The following CD109 variants were observed in gnomAD, a reference collection of about 807,000 sequenced individuals.
CD109 encodes CD109 molecule.
A neutral mutation model predicts 165.8 loss-of-function variants in CD109; 149 were observed. That is an observed-to-expected ratio of 0.90 (90% confidence interval 0.79 to 1.03). The LOEUF (loss-of-function observed/expected upper bound fraction) is 1.03, where lower values mean the gene tolerates loss of function less well. Among genes scored for constraint, CD109 ranks in the 50% least tolerant of loss-of-function variants. The pLI is 0.00. For synonymous variants in CD109, 585 were observed against 592.1 expected, an observed-to-expected ratio of 0.99 and a Z score of 0.18; for missense variants, 1,712 against 1,677.8, an observed-to-expected ratio of 1.02 and a Z score of -0.36.
rs374003068 is a variant in CD109, at chr6:73,810,040, C to T, written c.3412C>T (p.Arg1138Cys). The change falls in exon 27 of 33, where the codon CGC becomes TGC. Residue 1138 changes from arginine (R) to cysteine (C), a missense_variant. Transcript: ENST00000287097. ...ESKLSDSWQP[R>C]SLDIEVAAYA... ...CAAACTTTCTGACTCCTGGCAGCCA[C>T]GCTCCCTGGATATTGAAGTTGCAGC... The T allele has an allele frequency of 5.4e-5, 87 of 1,605,530 alleles. 1 individual carries two copies. Among genetic ancestry groups the T allele is most frequent in the South Asian group, 1.4e-4 (13 of 89,754 alleles).
At chr6:73,752,850 A>G (rs1377329184) in intron 5 of CD109, among the ~76,000 whole-genome samples, 1 of 152,218 alleles carries the variant, frequency 6.6e-6, no homozygotes, top group Non-Finnish European at 1.5e-5. Flanking sequence ...ACTACAGTTA[A>G]CACAAATACT....
At chr6:73,682,268 GTACAGGCAT>G in the CD109 span, among the ~76,000 whole-genome samples, 1 of 152,162 alleles carries the variant, frequency 6.6e-6, no homozygotes, top group South Asian at 2.1e-4. Context: ...TACAATGGAG[GTACAGGCAT>G]TGGGTAAATA....
At chr6:73,776,487 T>C (rs1000447818) in intron 15 of CD109, among the ~76,000 whole-genome samples, 3 of 151,596 alleles carry the variant, frequency 2.0e-5, no homozygotes, top group African/African-American at 7.3e-5. Context: ...CTCCTGACCT[T>C]GTGATCCATC....
chr6:73,682,134 C>G, the CD109 span, among the ~76,000 whole-genome samples: 1 of 152,146 alleles, frequency 6.6e-6, no homozygotes. Flanking sequence ...CAACAGTCCC[C>G]TAAAGTCTTA....
chr6:73,708,036 A>C (rs1190935061), intron 2 of CD109, among the ~76,000 whole-genome samples: 1 of 147,284 alleles, frequency 6.8e-6, no homozygotes, highest in African/African-American at 2.5e-5. Flanking sequence ...CCTAGGGTAC[A>C]TGTGCACAAC....
At chr6:73,696,028 G>A, upstream of CD109, 1 of 582,604 alleles carries the variant, frequency 1.7e-6, no homozygotes, top group South Asian at 1.9e-5. Flanking sequence ...TAATGGGGAT[G>A]GGAGGGGTGG....
rs1775441170 is a variant in CD109, at chr6:73,803,297, A to C, written c.2956A>C (p.Thr986Pro). 6.2e-7 allele frequency: 1 copy of C among 1,611,078 alleles called. No individual in the cohort carries two copies. The highest frequency in any genetic ancestry group is 1.7e-5 in the Admixed American group (1 of 59,496). ...AFGNYDPSGS[T>P]WLSAFVLRCF... is the part of the protein sequence containing the mutation. ...TGGGAATTATGACCCTTCTGGGAGC[A>C]CTTGGTAAGTGTTTTTGCCAACTGA... Residue 986 changes from threonine (T) to proline (P), a missense_variant, in exon 24 of 33, where the codon ACT becomes CCT. Physicochemically the swap from Thr to Pro is conservative, Grantham distance 38. Coordinates refer to ENST00000287097, the MANE Select transcript of CD109 (RefSeq NM_133493.5).
In CD109 at chr6:73,762,452, A is replaced by G; in HGVS notation, c.827A>G (p.Lys276Arg). 2 of 1,611,198 alleles carry G rather than the reference A, an allele frequency of 1.2e-6. No homozygotes were observed. Among genetic ancestry groups the G allele is most frequent in the South Asian group, 2.2e-5 (2 of 90,780 alleles). ...LTFLPLSFWG[K>R]KKNITKTFKI... Reference sequence around the variant, plus strand: ...TTTTTACCTTTATCCTTTTGGGGAAAGAAGAAAAATATTACAAAAACATTT... The same window carrying G: ...TTTTTACCTTTATCCTTTTGGGGAAGGAAGAAAAATATTACAAAAACATTT... Residue 276 changes from lysine to arginine, a missense_variant, in exon 8 of 33, where the codon AAG (lysine) becomes AGG (arginine). Coordinates refer to ENST00000287097, the MANE Select transcript of CD109 (RefSeq NM_133493.5).
chr6:73,722,615 C>T (rs763003601), intron 2 of CD109, among the ~76,000 whole-genome samples: 4 of 152,190 alleles, frequency 2.6e-5, no homozygotes, highest in Non-Finnish European at 5.9e-5. Flanking sequence ...TCATCTTTTG[C>T]TCCATTTTAT....
the CD109 span, among the ~76,000 whole-genome samples, chr6:73,685,537 A>C: frequency 6.6e-6 from 1 of 152,154 alleles, no homozygotes. Context: ...TTAGGGTTTA[A>C]AAAAATTAAA....
intron 4 of CD109, among the ~76,000 whole-genome samples, chr6:73,733,434 A>G (rs898732806): frequency 6.6e-6 from 1 of 152,174 alleles, no homozygotes; most frequent in African/African-American, 2.4e-5. Context: ...TTCATTTTGC[A>G]TGCCCCAATA....
intron 1 of CD109, 61 bp downstream of exon 1, chr6:73,696,350 T>C (rs1442310971): frequency 2.3e-6 from 3 of 1,313,090 alleles, no homozygotes; most frequent in African/African-American, 3.1e-5. Flanking sequence ...TCTGCGGCTC[T>C]GGGCCAGGGC....
chr6:73,760,866 T>G (rs541520046), intron 7 of CD109, among the ~76,000 whole-genome samples: 177 of 151,042 alleles, frequency 1.2e-3, no homozygotes, highest in Admixed American at 2.4e-3. Flanking sequence ...TAAAATAAAA[T>G]TCGCTGGACG....
At chr6:73,720,619 A>G (rs1253716402) in intron 2 of CD109, among the ~76,000 whole-genome samples, 1 of 152,248 alleles carries the variant, frequency 6.6e-6, no homozygotes, top group Admixed American at 6.5e-5. Flanking sequence ...TATATGTCGC[A>G]TACCATAAAT....
intron 32 of CD109, 30 bp from the exon 33 acceptor site, chr6:73,823,428 G>A (rs778922899): frequency 6.8e-5 from 106 of 1,559,160 alleles, no homozygotes; most frequent in Non-Finnish European, 7.7e-5. Flanking sequence ...CAAGGGAGCC[G>A]TGTGAACTGA....
rs557267129 is a variant in CD109 at position 73,812,259 on chromosome 6, G to A, written c.3757G>A (p.Ala1253Thr). The A allele has an allele frequency of 7.3e-5, 117 of 1,606,788 alleles. No homozygotes were observed. The highest frequency in any genetic ancestry group is 8.6e-5 in the Non-Finnish European group (101 of 1,174,744). ...VNISANGFGF[A>T]ICQLNVVYNV... ...TATTTCCGCAAATGGTTTTGGATTTGCTATTTGTCAGGTATGTAACGATGC... is the reference window on the plus strand; with the variant it reads ...TATTTCCGCAAATGGTTTTGGATTTACTATTTGTCAGGTATGTAACGATGC... Residue 1253 changes from alanine to threonine, a missense_variant, in exon 29 of 33, where the codon GCT (alanine) becomes ACT (threonine). Ala to Thr is a moderately conservative substitution (Grantham distance 58). Coordinates refer to ENST00000287097, the MANE Select transcript of CD109 (RefSeq NM_133493.5).
At chr6:73,763,961 TATTA>T (rs1437879501) in intron 10 of CD109, among the ~76,000 whole-genome samples, 1 of 152,260 alleles carries the variant, frequency 6.6e-6, no homozygotes, top group East Asian at 1.9e-4. Flanking sequence ...CTGAAGCTTT[TATTA>T]ATTAATTGAA....
At chr6:73,739,681 T>C (rs555745164) in intron 5 of CD109, among the ~76,000 whole-genome samples, 6 of 152,112 alleles carry the variant, frequency 3.9e-5, no homozygotes, top group African/African-American at 1.2e-4. Context: ...ACCCCGTCTC[T>C]ACTAAAAATA....
chr6:73,812,390 C>A, intron 29 of CD109, 120 bp downstream of exon 29: 1 of 653,902 alleles, frequency 1.5e-6, no homozygotes, highest in Non-Finnish European at 2.6e-6. Context: ...ACATCTGTGA[C>A]TTAAGCAAGA....
Sources: allele counts gnomAD v4.1 joint callset (sites outside exome capture counted in the v4.1 genomes callset), GRCh38; gene constraint gnomAD v4.1.1; transcripts MANE v1.5; gene names NCBI Gene and HGNC (gene_info 2026-07-23, HGNC 2026-07-21).